MAP3K20: variants seen among roughly 807,000 people sequenced by gnomAD.
MAP3K20 encodes the protein HCCS-4.
Under a neutral mutation model 85.7 loss-of-function variants are expected in MAP3K20, and 40 were observed. That is an observed-to-expected ratio of 0.47 (90% CI 0.36 to 0.61). The LOEUF (loss-of-function observed/expected upper bound fraction) is 0.61, where lower values mean the gene tolerates loss of function less well. MAP3K20 is among the 20% of genes least tolerant of loss of function. MAP3K20 has a pLI of 0.00. For missense variants in MAP3K20, 817 were observed against 961.7 expected, an observed-to-expected ratio of 0.85 and a Z score of 1.99; for synonymous variants, 325 against 327.7, an observed-to-expected ratio of 0.99 and a Z score of 0.09.
At chr2:173,152,437 C>T (rs372663861) in intron 2 of MAP3K20, among the ~76,000 whole-genome samples, 2 of 152,140 alleles carry the variant, frequency 1.3e-5, no homozygotes, top group African/African-American at 4.8e-5. Context: ...TCTCTGATCT[C>T]CCCTAGGTTC....
At chr2:173,224,323 A>G (rs192938248) in intron 11 of MAP3K20, 754 of 985,338 alleles carry the variant, frequency 7.7e-4, no homozygotes, top group Non-Finnish European at 8.9e-4. Context: ...TCATTTAAGA[A>G]TGATCAGCAA....
chr2:173,140,077 T>C (rs534379638), intron 2 of MAP3K20, among the ~76,000 whole-genome samples: 10 of 152,234 alleles, frequency 6.6e-5, no homozygotes, highest in African/African-American at 2.4e-4. Context: ...AATGGCGCAA[T>C]CTCAGCTCAC....
At chr2:173,199,267 T>C (rs891489885) in intron 8 of MAP3K20, among the ~76,000 whole-genome samples, 3 of 152,218 alleles carry the variant, frequency 2.0e-5, no homozygotes, top group African/African-American at 7.2e-5. Context: ...TACCATATAA[T>C]TTTTCCTCCT....
intron 16 of MAP3K20, among the ~76,000 whole-genome samples, chr2:173,249,574 T>C (rs1179661673): frequency 2.0e-5 from 3 of 152,176 alleles, no homozygotes. Flanking sequence ...GCTGTTTTTA[T>C]ATTTTGAGGA....
intron 2 of MAP3K20, among the ~76,000 whole-genome samples, chr2:173,161,706 G>A (rs993786250): frequency 2.6e-5 from 4 of 152,170 alleles, no homozygotes; most frequent in South Asian, 2.1e-4. Context: ...CATGCATACC[G>A]AGTAGGTTGA....
At chr2:173,194,978 T>C (rs1690779406) in intron 7 of MAP3K20, among the ~76,000 whole-genome samples, 1 of 152,074 alleles carries the variant, frequency 6.6e-6, no homozygotes, top group Non-Finnish European at 1.5e-5. Flanking sequence ...CAGAAGTGGA[T>C]TTTATGATCC....
At position 173,203,667 on chromosome 2, in the gene MAP3K20, T is replaced by C. The variant is rs143084263; in HGVS notation, c.670-129T>C. ...TTGTCACTTGTCACATATTAATCAA[T>C]GGAAGCTTTAAATTTCATGCCTTAT... On this transcript the variant is annotated intron_variant, in intron 8 of 19. Coordinates refer to ENST00000375213, the MANE Select transcript of MAP3K20 (RefSeq NM_016653.3). 796 of 700,646 alleles carry C rather than the reference T, an allele frequency of 1.1e-3. 6 individuals carry two copies. The African/African-American group carries it at 0.012, about 10-fold the overall frequency. The allele number at this position is 700,646 out of a possible 1,614,324, so 43.4% of individuals were successfully genotyped here.
intron 2 of MAP3K20, among the ~76,000 whole-genome samples, chr2:173,140,695 T>C (rs1688945744): frequency 6.6e-6 from 1 of 152,302 alleles, no homozygotes; most frequent in Admixed American, 6.5e-5. Flanking sequence ...CTAATACTAT[T>C]CCCCCCATAA....
At chr2:173,076,431 G>A (rs557057123) in intron 1 of MAP3K20, among the ~76,000 whole-genome samples, 54 of 152,244 alleles carry the variant, frequency 3.5e-4, no homozygotes, top group Middle Eastern at 6.9e-3. Flanking sequence ...CTGTCGGGAG[G>A]CGAACCGCGA....
At chr2:173,135,797 A>G (rs1688783381) in intron 2 of MAP3K20, among the ~76,000 whole-genome samples, 1 of 152,164 alleles carries the variant, frequency 6.6e-6, no homozygotes, top group African/African-American at 2.4e-5. Context: ...ATTTTATCAC[A>G]TTTTTTCATA....
chr2:173,183,873 CA>C (rs2106266613), intron 4 of MAP3K20, among the ~76,000 whole-genome samples: 1 of 152,178 alleles, frequency 6.6e-6, no homozygotes, highest in East Asian at 1.9e-4. Flanking sequence ...GTGTGACTTC[CA>C]AAAGTAGCAG....
At chr2:173,223,241 A>G in intron 11 of MAP3K20, 1 of 985,202 alleles carries the variant, frequency 1.0e-6, no homozygotes, top group African/African-American at 1.7e-5. Flanking sequence ...AAGGGATCAG[A>G]GTCTGACTGT....
At chr2:173,078,662 C>G (rs1686932096) in intron 1 of MAP3K20, among the ~76,000 whole-genome samples, 1 of 152,184 alleles carries the variant, frequency 6.6e-6, no homozygotes, top group Non-Finnish European at 1.5e-5. Context: ...GAGAACAAAG[C>G]AGCCCCACAT....
At chr2:173,229,803 G>C in intron 12 of MAP3K20, 70 bp downstream of exon 12, 1 of 1,555,262 alleles carries the variant, frequency 6.4e-7, no homozygotes, top group Non-Finnish European at 8.9e-7. Context: ...TAAGTTTTTA[G>C]GGGAAGAGAT....
intron 2 of MAP3K20, among the ~76,000 whole-genome samples, chr2:173,122,344 C>T (rs568032487): frequency 3.3e-4 from 50 of 152,278 alleles, no homozygotes; most frequent in African/African-American, 1.2e-3. Flanking sequence ...AAATTGAGCT[C>T]GTGTTTTTTC....
chr2:173,232,941 AC>A (rs1182908853), intron 14 of MAP3K20, among the ~76,000 whole-genome samples: 1 of 152,180 alleles, frequency 6.6e-6, no homozygotes, highest in Non-Finnish European at 1.5e-5. Context: ...GCCCCCAGGC[AC>A]CCCTATTCCT....
intron 2 of MAP3K20, chr2:173,166,347 T>C (rs1295024669): frequency 1.3e-5 from 2 of 152,246 alleles, no homozygotes; most frequent in South Asian, 2.1e-4. Context: ...ATAAACACTT[T>C]GGTTGTTTTT....
intron 2 of MAP3K20, among the ~76,000 whole-genome samples, chr2:173,130,119 G>A (rs1247047780): frequency 2.0e-5 from 3 of 152,120 alleles, no homozygotes; most frequent in African/African-American, 7.2e-5. Flanking sequence ...CTAAGGTTAT[G>A]GTCAAACAAG....
chr2:173,258,150 C>T (rs1685201560), intron 16 of MAP3K20, among the ~76,000 whole-genome samples: 1 of 152,142 alleles, frequency 6.6e-6, no homozygotes, highest in South Asian at 2.1e-4. Context: ...CCCATAACTC[C>T]CTAGTTGTCC....
Sources: allele counts gnomAD v4.1 joint callset (sites outside exome capture counted in the v4.1 genomes callset), GRCh38; gene constraint gnomAD v4.1.1; transcripts MANE v1.5; gene names NCBI Gene and HGNC (gene_info 2026-07-23, HGNC 2026-07-21).